Variants in MANBA observed in about 807,000 individuals in gnomAD.
MANBA encodes the protein beta-mannosidase.
MANBA carries 83 observed loss-of-function variants against 111.1 expected under a neutral mutation model. The observed-to-expected ratio is 0.75, with a 90% CI of 0.63 to 0.90. The LOEUF (loss-of-function observed/expected upper bound fraction) is 0.90. Among genes scored for constraint, MANBA ranks in the 40% least tolerant of loss-of-function variants. The probability of loss-of-function intolerance (pLI) is 0.00; values close to 1 mark genes in which losing one functional copy is unlikely to be tolerated. For missense variants in MANBA, 1,036 were observed against 1,069.0 expected (o/e 0.97, Z 0.43); for synonymous variants, 370 against 378.7 (o/e 0.98, Z 0.27).
intron 5 of MANBA, among the ~76,000 whole-genome samples, chr4:102,694,355 G>A (rs143194831): frequency 1.7e-4 from 26 of 152,182 alleles, no homozygotes; most frequent in Non-Finnish European, 3.4e-4. Flanking sequence ...TGGAAAAGTA[G>A]GTAATTTAGG....
chr4:102,713,513 C>T (rs1722172463), intron 5 of MANBA, among the ~76,000 whole-genome samples: 1 of 152,344 alleles, frequency 6.6e-6, no homozygotes, highest in East Asian at 1.9e-4. Flanking sequence ...TTTAACTTAT[C>T]CACTGACATC....
chr4:102,702,094 C>T (rs574486261), intron 5 of MANBA, among the ~76,000 whole-genome samples: 65 of 152,054 alleles, frequency 4.3e-4, no homozygotes, highest in African/African-American at 1.5e-3. Flanking sequence ...TCCCTTCTCG[C>T]TTCATTTCAT....
rs70937564 is a variant in MANBA, at chr4:102,709,331, AAAGG to A, written c.673+5103_673+5106del. Among the ~76,000 whole-genome samples the A allele has an allele frequency of 2.1e-3, 276 of 133,366 alleles. 6 individuals carry two copies. The highest frequency in any genetic ancestry group is 7.0e-3 in the South Asian group (30 of 4,316). 87.5% of individuals were successfully genotyped at this position (133,366 alleles called of 152,430 possible). ...GGAAGGAAGAAAAGAAAAGAAAAAG[AAAGG>A]AAGGAAGGAAGGAAGGAAGAAAAGA... is the stretch of plus-strand genomic sequence containing the variant. On this transcript the variant is annotated intron_variant, in intron 5 of 16. Coordinates refer to ENST00000647097, the MANE Select transcript of MANBA (RefSeq NM_005908.4).
At chr4:102,727,732 C>A in intron 1 of MANBA, 1 of 865,886 alleles carries the variant, frequency 1.2e-6, no homozygotes, top group South Asian at 1.4e-5. Flanking sequence ...ATGGTGCCTT[C>A]TGGCATAGTA....
chr4:102,718,978 C>T (rs563941207), intron 4 of MANBA, among the ~76,000 whole-genome samples: 64 of 152,332 alleles, frequency 4.2e-4, no homozygotes, highest in Middle Eastern at 6.8e-3. Context: ...ATTAGAATTA[C>T]TGATGACAGT....
chr4:102,729,590 G>A, intron 1 of MANBA: 1 of 915,508 alleles, frequency 1.1e-6, no homozygotes, highest in Admixed American at 1.7e-5. Flanking sequence ...TCTTGATGAG[G>A]ACAAATTCAT....
chr4:102,644,190 A>C (rs1191842684), intron 13 of MANBA, among the ~76,000 whole-genome samples: 7 of 152,296 alleles, frequency 4.6e-5, no homozygotes, highest in African/African-American at 1.7e-4. Context: ...ACCATTTGGA[A>C]TGTAAATTAG....
At chr4:102,700,249 T>C (rs1322286521) in intron 5 of MANBA, among the ~76,000 whole-genome samples, 1 of 152,148 alleles carries the variant, frequency 6.6e-6, no homozygotes, top group Non-Finnish European at 1.5e-5. Flanking sequence ...TCTTCTCTCT[T>C]TTTTTCTTTA....
In MANBA at chr4:102,631,688, C is replaced by T; in HGVS notation, c.*369G>A. 2.0e-6 allele frequency: 1 copy of T among 505,150 alleles called. No individual in the cohort carries two copies. The highest frequency in any genetic ancestry group is 3.5e-6 in the Non-Finnish European group (1 of 288,790). 31.3% of individuals were successfully genotyped at this position (505,150 alleles called of 1,614,324 possible). A position where few individuals can be genotyped will look rare whatever the true frequency, so the allele number is the denominator to read the frequency against. Reference sequence around the variant, plus strand: ...CCCAAAGCTAGCTGTGAAAGACCTACATCACCTCAAAACCTTCCATTTGGT... The same window carrying T: ...CCCAAAGCTAGCTGTGAAAGACCTATATCACCTCAAAACCTTCCATTTGGT... On this transcript the variant is annotated 3_prime_UTR_variant, in exon 17 of 17. Coordinates refer to ENST00000647097, the MANE Select transcript of MANBA (RefSeq NM_005908.4).
intron 7 of MANBA, chr4:102,681,613 C>T (rs772540327): frequency 6.6e-6 from 1 of 152,112 alleles, no homozygotes; most frequent in Non-Finnish European, 1.5e-5. Flanking sequence ...AAAATAACTC[C>T]AAGAGATCAC....
Position 102,731,833 on chromosome 4 carries a change from T to C in MANBA, c.178-5150A>G, listed in dbSNP as rs559887184. Among the ~76,000 whole-genome samples the C allele has an allele frequency of 1.2e-3, 186 of 152,164 alleles. 1 individual carries two copies. Among genetic ancestry groups the C allele is most frequent in the African/African-American group, 4.4e-3 (184 of 41,516 alleles). On this transcript the variant is annotated intron_variant, in intron 1 of 16. Transcript: ENST00000647097. Reference sequence around the variant, plus strand: ...CTAGATGTTCATAGATGTTGCTCCATCTGAGTGTCTAGACCCAAGTCTGCC... The same window carrying C: ...CTAGATGTTCATAGATGTTGCTCCACCTGAGTGTCTAGACCCAAGTCTGCC...
At chr4:102,639,214 A>T (rs1473377214) in intron 14 of MANBA, among the ~76,000 whole-genome samples, 2 of 152,210 alleles carry the variant, frequency 1.3e-5, no homozygotes, top group Non-Finnish European at 2.9e-5. Flanking sequence ...AGGGCATAAT[A>T]AAGATGGCCT....
intron 13 of MANBA, among the ~76,000 whole-genome samples, chr4:102,644,272 GT>G (rs1352599087): frequency 6.6e-6 from 1 of 152,082 alleles, no homozygotes; most frequent in Non-Finnish European, 1.5e-5. Context: ...TGATCCAGCA[GT>G]CCCACTACTG....
chr4:102,716,575 G>C (rs1291231705), intron 4 of MANBA, among the ~76,000 whole-genome samples: 14 of 152,080 alleles, frequency 9.2e-5, no homozygotes, highest in African/African-American at 2.7e-4. Flanking sequence ...TTAAGTTACA[G>C]AGTTCAAATT....
Position 102,689,579 on chromosome 4 carries a change from C to T in MANBA, c.955G>A (p.Ala319Thr). 6.4e-7 allele frequency: 1 copy of T among 1,563,254 alleles called. No homozygotes were observed. ...LDGGLNIEKS[A>T]KVYFRTVELI... ...ATTTTAAATTACTTACTTACCTTAGCTGATTTTTCAATATTTAAGCCTCCA... is the reference window on the plus strand; with the variant it reads ...ATTTTAAATTACTTACTTACCTTAGTTGATTTTTCAATATTTAAGCCTCCA... Residue 319 changes from alanine (A) to threonine (T), a missense_variant, in exon 7 of 17, where the codon GCT becomes ACT. By Grantham distance (58) the Ala-to-Thr change is moderately conservative (BLOSUM62 0). Coordinates refer to ENST00000647097, the MANE Select transcript of MANBA (RefSeq NM_005908.4).
At chr4:102,722,798 T>C in intron 4 of MANBA, 73 bp downstream of exon 4, 1 of 1,476,620 alleles carries the variant, frequency 6.8e-7, no homozygotes, top group East Asian at 2.3e-5. Context: ...ATGGGAGTCT[T>C]CAAATAAGCA....
At chr4:102,714,633 C>T in intron 4 of MANBA, 72 bp from the exon 5 acceptor site, 1 of 1,453,406 alleles carries the variant, frequency 6.9e-7, no homozygotes, top group East Asian at 2.4e-5. Context: ...AAAACATTTT[C>T]TTTAAAAATG....
chr4:102,661,635 T>C (rs926222686), intron 11 of MANBA, among the ~76,000 whole-genome samples: 3 of 152,202 alleles, frequency 2.0e-5, no homozygotes, highest in African/African-American at 7.2e-5. Context: ...CTTGAGAAAT[T>C]TGGCACGCTG....
intron 7 of MANBA, 99 bp from the exon 8 acceptor site, chr4:102,674,169 G>C: frequency 2.3e-6 from 2 of 851,686 alleles, no homozygotes; most frequent in Non-Finnish European, 1.9e-6. Context: ...ACATTCAGTA[G>C]TTTAATGCTA....
Sources: gnomAD v4.1 joint callset for allele counts (sites outside exome capture counted in the v4.1 genomes callset) on GRCh38, gnomAD v4.1.1 for gene constraint, MANE v1.5 for transcripts, NCBI Gene and HGNC (gene_info 2026-07-23, HGNC 2026-07-21) for gene names.